Variants in SAFB observed in about 807,000 individuals in gnomAD.
SAFB encodes the protein scaffold attachment factor B1.
A neutral mutation model predicts 101.6 loss-of-function variants in SAFB; 15 were observed. The ratio of observed to expected loss-of-function variants is 0.15; its 90% CI spans 0.10 to 0.23. The LOEUF (loss-of-function observed/expected upper bound fraction) is 0.23. Among genes scored for constraint, SAFB ranks in the 10% least tolerant of loss-of-function variants. SAFB has a pLI of 1.00. For missense variants in SAFB, 930 were observed against 1,104.1 expected, an observed-to-expected ratio of 0.84 and a Z score of 2.23; for synonymous variants, 449 against 407.5, an observed-to-expected ratio of 1.10 and a Z score of -1.23.
chr19:5,648,742 GA>G, intron 6 of SAFB: 1 of 666,692 alleles, frequency 1.5e-6, no homozygotes, highest in South Asian at 1.6e-5. Context: ...GAATCAGCCA[GA>G]AGGTTTTGGG....
At chr19:5,666,952 G>C in intron 17 of SAFB, 94 bp from the exon 18 acceptor site, 1 of 819,136 alleles carries the variant, frequency 1.2e-6, no homozygotes, top group South Asian at 1.3e-5. Context: ...CCGAGTGACT[G>C]TCGTTGTCAT....
chr19:5,643,019 C>T (rs1175460473), intron 4 of SAFB, among the ~76,000 whole-genome samples: 1 of 152,028 alleles, frequency 6.6e-6, no homozygotes, highest in Non-Finnish European at 1.5e-5. Flanking sequence ...TCCCCATTTT[C>T]AGTTGAGGAA....
In SAFB at chr19:5,667,142, CG is replaced by C; in HGVS notation, c.2436del (p.Leu813CysfsTer31). On this transcript the variant is annotated frameshift_variant, in exon 18 of 21. Coordinates refer to ENST00000588852, the MANE Select transcript of SAFB (RefSeq NM_001201338.2). LOFTEE classifies it high-confidence loss of function. The surrounding 1 kb of genome is among the most constrained non-coding windows in gnomAD (Gnocchi z 4.0). ...CTCTGACAAGAGGATGAGCGAGGGC[CG>C]GGGGCTGCCTCCTCCCCCCAGGTTT... ...YGSDKRMSEG[R>X]GLPPPPRGRR... is the part of the protein sequence containing the mutation. The C allele has an allele frequency of 3.1e-6, 5 of 1,603,122 alleles. No homozygotes were observed. The highest frequency in any genetic ancestry group is 1.3e-5 in the African/African-American group (1 of 74,722).
At chr19:5,665,518 A>G (rs1003886701) in intron 17 of SAFB, 17 of 151,218 alleles carry the variant, frequency 1.1e-4, no homozygotes, top group African/African-American at 3.9e-4. Flanking sequence ...TTTTTTTAAT[A>G]GAGACGGGAT....
intron 13 of SAFB, among the ~76,000 whole-genome samples, chr19:5,654,945 A>G (rs1349360117): frequency 6.6e-6 from 1 of 152,202 alleles, no homozygotes; most frequent in Non-Finnish European, 1.5e-5. Context: ...TATTTTCTAA[A>G]GCTAACTTTA....
At chr19:5,661,159 G>GATCC (rs1208989255) in intron 14 of SAFB, among the ~76,000 whole-genome samples, 1 of 151,994 alleles carries the variant, frequency 6.6e-6, no homozygotes, top group Non-Finnish European at 1.5e-5. Flanking sequence ...TTGACCTCAT[G>GATCC]ATCCACCCAC....
chr19:5,655,493 A>G (rs1230470028), intron 13 of SAFB, among the ~76,000 whole-genome samples: 2 of 148,682 alleles, frequency 1.3e-5, no homozygotes, highest in African/African-American at 5.0e-5. Flanking sequence ...CACACCTATT[A>G]TTTGCATGGT....
intron 9 of SAFB, among the ~76,000 whole-genome samples, 153 bp downstream of exon 9, chr19:5,651,225 A>G (rs992706793): frequency 1.3e-5 from 2 of 152,192 alleles, no homozygotes; most frequent in African/African-American, 4.8e-5. Context: ...CCACAGGTAG[A>G]GGTGAGAGTG....
chr19:5,630,300 C>G (rs527604146), intron 2 of SAFB, among the ~76,000 whole-genome samples: 1 of 152,002 alleles, frequency 6.6e-6, no homozygotes, highest in Non-Finnish European at 1.5e-5. Context: ...TGCCCTTTGC[C>G]GATTTCTGTG....
chr19:5,640,131 G>T (rs1016013927), intron 2 of SAFB, among the ~76,000 whole-genome samples: 1 of 151,930 alleles, frequency 6.6e-6, no homozygotes, highest in Non-Finnish European at 1.5e-5. Flanking sequence ...GGGATTACAG[G>T]CGTGAGCCAC....
intron 14 of SAFB, among the ~76,000 whole-genome samples, chr19:5,660,835 G>C (rs897366279): frequency 1.3e-5 from 2 of 151,750 alleles, no homozygotes; most frequent in African/African-American, 2.4e-5. Flanking sequence ...TTACACTTGG[G>C]GGGCCTGCTA....
At chr19:5,663,853 A>T (rs911839430) in intron 15 of SAFB, among the ~76,000 whole-genome samples, 169 bp from the exon 16 acceptor site, 8 of 152,186 alleles carry the variant, frequency 5.3e-5, no homozygotes, top group African/African-American at 1.9e-4. Flanking sequence ...ACAAAACAAA[A>T]CAACTGTGCA....
chr19:5,636,306 C>T (rs956805909), intron 2 of SAFB, among the ~76,000 whole-genome samples: 4 of 152,034 alleles, frequency 2.6e-5, no homozygotes, highest in African/African-American at 7.2e-5. Flanking sequence ...AACCAACGTA[C>T]GTATCATAGA....
Position 5,645,406 on chromosome 19 carries a change from T to C in SAFB, c.609+7T>C, listed in dbSNP as rs1267977850. On this transcript the variant is annotated splice_region_variant and intron_variant, in intron 5 of 20. Transcript: ENST00000588852. Reference sequence around the variant, plus strand: ...TGACTTCACTATATTACAGGTAAACTGTTGTATGTCTCAGTACTTTTAGAA... The same window carrying C: ...TGACTTCACTATATTACAGGTAAACCGTTGTATGTCTCAGTACTTTTAGAA... The C allele has an allele frequency of 1.5e-6, 2 of 1,300,340 alleles. No individual in the cohort carries two copies. The highest frequency in any genetic ancestry group is 2.2e-6 in the Non-Finnish European group (2 of 896,090). 80.6% of individuals were successfully genotyped at this position (1,300,340 alleles called of 1,614,324 possible).
chr19:5,654,080 G>A lies in SAFB; in HGVS notation c.1546G>A (p.Asp516Asn), dbSNP rs1393537512. ...TTATAGATCTACAAACCTTAAGAGGGATGATAAATGTGACAGAAAAGATGA... is the reference window on the plus strand; with the variant it reads ...TTATAGATCTACAAACCTTAAGAGGAATGATAAATGTGACAGAAAAGATGA... ...NSDRSTNLKRDDKCDRKDDAK... is the reference protein window; with the variant it reads ...NSDRSTNLKRNDKCDRKDDAK... The change falls in exon 12 of 21, where the codon GAT becomes AAT. Residue 516 changes from aspartate to asparagine, a missense_variant. Physicochemically the swap from Asp to Asn is conservative, Grantham distance 23 (BLOSUM62 1). Transcript: ENST00000588852. 1.2e-6 allele frequency: 2 copies of A among 1,614,144 alleles called. No individual in the cohort carries two copies. The highest frequency in any genetic ancestry group is 1.7e-6 in the Non-Finnish European group (2 of 1,180,014).
In SAFB at chr19:5,666,882, G is replaced by A. The variant is rs1036324556; in HGVS notation, c.2335-164G>A. On this transcript the variant is annotated intron_variant, in intron 17 of 20. Transcript: ENST00000588852. ...GCCTAGGGCACAGGGCCTCTGGCCT[G>A]CAGATTTCAGGAAGGCAGCTGTGTT... 6.9e-6 allele frequency: 5 copies of A among 720,134 alleles called. No homozygotes were observed. In the African/African-American group the frequency reaches 7.0e-5, roughly 10 times the overall value. 44.6% of individuals were successfully genotyped at this position (720,134 alleles called of 1,614,324 possible).
intron 2 of SAFB, among the ~76,000 whole-genome samples, chr19:5,640,739 G>A (rs983373055): frequency 1.3e-5 from 2 of 151,726 alleles, no homozygotes; most frequent in Admixed American, 1.3e-4. Flanking sequence ...ACTGGCAACC[G>A]CCACCACAAC....
At chr19:5,646,391 A>T (rs1364537263) in intron 5 of SAFB, among the ~76,000 whole-genome samples, 1 of 152,182 alleles carries the variant, frequency 6.6e-6, no homozygotes, top group African/African-American at 2.4e-5. Context: ...CTGCAAATTG[A>T]CACGGCCATT....
In SAFB at chr19:5,668,421, T is replaced by C; in HGVS notation, c.*130T>C. 1 of 1,112,500 alleles carries C rather than the reference T, an allele frequency of 9.0e-7. No individual in the cohort carries two copies. The allele number at this position is 1,112,500 out of a possible 1,614,324, so 68.9% of individuals were successfully genotyped here. A position where few individuals can be genotyped will look rare whatever the true frequency, so the allele number is the denominator to read the frequency against. The stretch of plus-strand genomic sequence containing the variant: ...TAGCTCAATACAATGTGAATTTGTT[T>C]TTCGTTTTGGGGTTTTTTTTTTTTG... On this transcript the variant is annotated 3_prime_UTR_variant, in exon 21 of 21. Coordinates refer to ENST00000588852, the MANE Select transcript of SAFB (RefSeq NM_001201338.2).
Sources: allele counts gnomAD v4.1 joint callset (sites outside exome capture counted in the v4.1 genomes callset), GRCh38; gene constraint gnomAD v4.1.1; non-coding constraint Gnocchi (gnomAD v3.1); transcripts MANE v1.5; gene names NCBI Gene and HGNC (gene_info 2026-07-23, HGNC 2026-07-21).